Variants in NEGR1 observed in about 807,000 individuals in gnomAD.
NEGR1 encodes the protein neuronal growth regulator 1.
Under a neutral mutation model 40.9 loss-of-function variants are expected in NEGR1, and 10 were observed. The ratio of observed to expected loss-of-function variants is 0.24; its 90% CI spans 0.15 to 0.42. The LOEUF is 0.42. NEGR1 is among the 10% of genes least tolerant of loss of function. The pLI is 1.00. For missense variants in NEGR1, 352 were observed against 438.9 expected (o/e 0.80, Z 1.77); for synonymous variants, 185 against 166.8 (o/e 1.11, Z -0.84).
chr1:71,457,697 C>CCTTTTT, intron 6 of NEGR1, among the ~76,000 whole-genome samples: 1 of 152,070 alleles, frequency 6.6e-6, no homozygotes, highest in African/African-American at 2.4e-5. Context: ...TATTAGTTTT[C>CCTTTTT]CTTTTTCTTT....
intron 2 of NEGR1, among the ~76,000 whole-genome samples, chr1:71,920,404 G>T (rs1645705092): frequency 6.6e-6 from 1 of 152,080 alleles, no homozygotes; most frequent in South Asian, 2.1e-4. Flanking sequence ...AGTATACTAT[G>T]GCTATCACTT....
chr1:71,574,730 G>A (rs965703588), intron 6 of NEGR1, among the ~76,000 whole-genome samples: 1 of 152,030 alleles, frequency 6.6e-6, no homozygotes, highest in Non-Finnish European at 1.5e-5. Context: ...AAGGGACTTG[G>A]GAACCTCTTA....
At chr1:72,076,817 G>T (rs537405512) in intron 1 of NEGR1, among the ~76,000 whole-genome samples, 1 of 151,488 alleles carries the variant, frequency 6.6e-6, no homozygotes, top group African/African-American at 2.4e-5. Context: ...TTGTCAATGG[G>T]AGGAAAGCAA....
intron 1 of NEGR1, among the ~76,000 whole-genome samples, chr1:72,193,878 C>G (rs1281347173): frequency 6.6e-6 from 1 of 151,494 alleles, no homozygotes; most frequent in African/African-American, 2.4e-5. Flanking sequence ...TAGGACTTAG[C>G]CCTATAGATT....
Position 71,930,262 on chromosome 1 carries a change from G to A in NEGR1, c.409+4817C>T, listed in dbSNP as rs1225277546. Among the ~76,000 whole-genome samples, 5 of 152,028 alleles carry A rather than the reference G, an allele frequency of 3.3e-5. No homozygotes were observed. In the East Asian group the frequency reaches 5.8e-4, roughly 18 times the overall value. On this transcript the variant is annotated intron_variant, in intron 2 of 6. Transcript: ENST00000357731. ...AAAGAGATGTTCCTTATACCTCACC[G>A]TGATGCTCTGAGATAGCTCATGGCA...
At chr1:71,704,688 T>G (rs1653826040) in intron 3 of NEGR1, among the ~76,000 whole-genome samples, 1 of 151,950 alleles carries the variant, frequency 6.6e-6, no homozygotes, top group African/African-American at 2.4e-5. Flanking sequence ...AGATCATATC[T>G]CTATTAAACC....
chr1:71,937,463 T>C (rs1174172803), intron 1 of NEGR1, among the ~76,000 whole-genome samples: 1 of 152,168 alleles, frequency 6.6e-6, no homozygotes, highest in African/African-American at 2.4e-5. Context: ...ACTGCATCTA[T>C]GGCCTTCGTA....
chr1:72,156,403 C>T (rs1557554437), intron 1 of NEGR1, among the ~76,000 whole-genome samples: 1 of 152,072 alleles, frequency 6.6e-6, no homozygotes, highest in African/African-American at 2.4e-5. Flanking sequence ...AGAACACAAA[C>T]CACATTTTTG....
At chr1:71,614,758 G>GGAACATTGCCTGAAAACCC (rs1650388736) in intron 4 of NEGR1, among the ~76,000 whole-genome samples, 1 of 152,050 alleles carries the variant, frequency 6.6e-6, no homozygotes, top group African/African-American at 2.4e-5. Flanking sequence ...CCTGAAAACC[G>GGAACATTGCCTGAAAACCC]GAACATTGCC....
At position 71,466,949 on chromosome 1, in the gene NEGR1, G is replaced by T. The variant is rs572096326; in HGVS notation, c.941-59379C>A. ...GATTGTCAACTCTGTAGTATAAATT[G>T]TGGGCTAACCTTAAGCCGGTTCTTA... On this transcript the variant is annotated intron_variant, in intron 6 of 6. Coordinates refer to ENST00000357731, the MANE Select transcript of NEGR1 (RefSeq NM_173808.3). Among the ~76,000 whole-genome samples, 6 of 152,164 alleles carry T rather than the reference G, an allele frequency of 3.9e-5. No individual in the cohort carries two copies. In the South Asian group the frequency reaches 1.2e-3, roughly 32 times the overall value.
chr1:71,526,168 TA>T (rs201241375), intron 6 of NEGR1, among the ~76,000 whole-genome samples: 2,174 of 151,712 alleles, frequency 0.014, 30 homozygotes, highest in South Asian at 0.029. Context: ...TAATTATAAT[TA>T]ATATCTGAAT....
chr1:71,563,442 C>T (rs1214894646), intron 6 of NEGR1, among the ~76,000 whole-genome samples: 1 of 151,944 alleles, frequency 6.6e-6, no homozygotes, highest in East Asian at 1.9e-4. Flanking sequence ...TAAATGCCCA[C>T]ATAATTTTAA....
chr1:71,811,337 G>T (rs189422540), intron 2 of NEGR1, among the ~76,000 whole-genome samples: 2 of 152,092 alleles, frequency 1.3e-5, no homozygotes, highest in Admixed American at 1.3e-4. Flanking sequence ...GAAAATTCAA[G>T]TTCCTTATCT....
intron 2 of NEGR1, among the ~76,000 whole-genome samples, chr1:71,789,120 T>C (rs891743555): frequency 3.9e-5 from 6 of 152,118 alleles, no homozygotes; most frequent in African/African-American, 9.7e-5. Flanking sequence ...GGTCGAGTTA[T>C]ACACATATGG....
At position 71,405,563 on chromosome 1, in the gene NEGR1, G is replaced by A. The variant is rs1254343515; in HGVS notation, c.*1883C>T. The A allele has an allele frequency of 6.6e-6, 1 of 151,630 alleles. No homozygotes were observed. 9.4% of individuals were successfully genotyped at this position (151,630 alleles called of 1,614,324 possible). On this transcript the variant is annotated 3_prime_UTR_variant, in exon 7 of 7. Transcript: ENST00000357731. ...TGTCATACATTTATTACAGTTAGTAGATTTACTAGCTTTATGCCTTATTAT... is the reference window on the plus strand; with the variant it reads ...TGTCATACATTTATTACAGTTAGTAAATTTACTAGCTTTATGCCTTATTAT...
chr1:71,692,147 A>G (rs558849132), intron 4 of NEGR1, among the ~76,000 whole-genome samples: 1 of 151,880 alleles, frequency 6.6e-6, no homozygotes, highest in South Asian at 2.1e-4. Flanking sequence ...AGTAAGCAGT[A>G]AGTAAATAAC....
intron 1 of NEGR1, among the ~76,000 whole-genome samples, chr1:72,213,003 G>A (rs1285730812): frequency 6.6e-6 from 1 of 151,876 alleles, no homozygotes; most frequent in African/African-American, 2.4e-5. Context: ...AGGTTATGGA[G>A]TAGGGGTGAG....
chr1:72,273,513 C>T (rs952468815), intron 1 of NEGR1, among the ~76,000 whole-genome samples: 11 of 151,888 alleles, frequency 7.2e-5, no homozygotes, highest in African/African-American at 2.7e-4. Context: ...AATCTTACAA[C>T]AACTAGGTCA....
chr1:71,520,036 C>G (rs1316583318), intron 6 of NEGR1, among the ~76,000 whole-genome samples: 2 of 151,926 alleles, frequency 1.3e-5, no homozygotes, highest in African/African-American at 2.4e-5. Context: ...ACTTTTTTCA[C>G]AGAATTTGTG....
Sources: allele counts gnomAD v4.1 joint callset (sites outside exome capture counted in the v4.1 genomes callset), GRCh38; gene constraint gnomAD v4.1.1; transcripts MANE v1.5; gene names NCBI Gene and HGNC (gene_info 2026-07-23, HGNC 2026-07-21).